CACNA1B: variants seen among roughly 807,000 people sequenced by gnomAD.
CACNA1B encodes the protein calcium voltage-gated channel subunit alpha1 B, also known as voltage-dependent N-type calcium channel subunit alpha-1B.
CACNA1B carries 70 observed loss-of-function variants against 247.2 expected under a neutral mutation model. That is an observed-to-expected ratio of 0.28 (90% CI 0.23 to 0.35). The LOEUF (loss-of-function observed/expected upper bound fraction) is 0.35, where lower values mean the gene tolerates loss of function less well. Among genes scored for constraint, CACNA1B ranks in the 10% least tolerant of loss-of-function variants. The pLI, the probability that CACNA1B is intolerant of heterozygous loss-of-function variation, is 1.00. For missense variants in CACNA1B, 2,367 were observed against 3,197.4 expected (o/e 0.74, Z 6.26); for synonymous variants, 1,231 against 1,294.4 (o/e 0.95, Z 1.05).
At chr9:137,965,105 G>A (rs1315924089) in intron 10 of CACNA1B, among the ~76,000 whole-genome samples, 1 of 152,222 alleles carries the variant, frequency 6.6e-6, no homozygotes, top group African/African-American at 2.4e-5. Flanking sequence ...ACCTATTGCT[G>A]GCCTGAATGT....
intron 34 of CACNA1B, among the ~76,000 whole-genome samples, chr9:138,074,444 T>C (rs1960244698): frequency 6.6e-6 from 1 of 152,206 alleles, no homozygotes; most frequent in Non-Finnish European, 1.5e-5. Flanking sequence ...TTTCACCATG[T>C]TGGCCAGGCT....
At chr9:138,116,803 C>T (rs1390356143) in intron 42 of CACNA1B, among the ~76,000 whole-genome samples, 1 of 152,154 alleles carries the variant, frequency 6.6e-6, no homozygotes, top group African/African-American at 2.4e-5. Context: ...TTCTCCTAAC[C>T]ACCCCTCCTC....
intron 39 of CACNA1B, among the ~76,000 whole-genome samples, chr9:138,109,300 C>A (rs186490131): frequency 1.8e-3 from 267 of 152,324 alleles, no homozygotes; most frequent in African/African-American, 6.2e-3. Context: ...CAAAAAGAGA[C>A]ATTCTTGACA....
At chr9:138,056,062 T>C (rs1959484985) in intron 26 of CACNA1B, among the ~76,000 whole-genome samples, 1 of 152,140 alleles carries the variant, frequency 6.6e-6, no homozygotes, top group South Asian at 2.1e-4. Context: ...AAAACAGCTT[T>C]ATTGAGATGT....
chr9:137,954,879 TGAGA>T lies in CACNA1B; in HGVS notation c.1071-799_1071-796del, dbSNP rs1173163661. ...GCTTGTGTGTGTGTGTGTGTGTGTG[TGAGA>T]GAGAGAGAGAGAGAGAGAGGGGGAG... On this transcript the variant is annotated intron_variant, in intron 7 of 46. Coordinates refer to ENST00000371372, the MANE Select transcript of CACNA1B (RefSeq NM_000718.4). This position sits in a 1 kb window ranked among gnomAD's most constrained non-coding sequence, Gnocchi z 4.1. Among the ~76,000 whole-genome samples the T allele has an allele frequency of 4.3e-4, 63 of 145,240 alleles. No individual in the cohort carries two copies. The Middle Eastern group carries it at 0.01, about 24-fold the overall frequency.
At chr9:138,094,458 AAG>A (rs1442410883) in intron 36 of CACNA1B, among the ~76,000 whole-genome samples, 5,639 of 110,294 alleles carry the variant, frequency 0.051, 299 homozygotes, top group African/African-American at 0.16. Flanking sequence ...AAAAAAAAAA[AAG>A]AAGAAGAAGA....
At position 138,043,628 on chromosome 9, in the gene CACNA1B, A is replaced by T. The variant is rs181708407; in HGVS notation, c.3287-146A>T. 985 of 796,298 alleles carry T rather than the reference A, an allele frequency of 1.2e-3. 3 individuals carry two copies. Among genetic ancestry groups the T allele is most frequent in the South Asian group, 1.4e-3 (89 of 61,710 alleles). 49.3% of individuals were successfully genotyped at this position (796,298 alleles called of 1,614,324 possible). A position where few individuals can be genotyped will look rare whatever the true frequency, so the allele number is the denominator to read the frequency against. ...TCGTGCGCCACGGTCATGTACGTGA[A>T]GCACTGTTCTTAGCTGCTTGCCCAT... is the stretch of plus-strand genomic sequence containing the variant. On this transcript the variant is annotated intron_variant, in intron 20 of 46. Transcript: ENST00000371372.
chr9:137,951,171 C>T (rs990689392), intron 6 of CACNA1B, among the ~76,000 whole-genome samples: 1 of 152,182 alleles, frequency 6.6e-6, no homozygotes, highest in African/African-American at 2.4e-5. Context: ...GAGGTGTGGT[C>T]TAGTGGTTCA....
chr9:137,971,960 C>A lies in CACNA1B; in HGVS notation c.1543+368C>A, dbSNP rs767149544. On this transcript the variant is annotated intron_variant, in intron 11 of 46. Transcript: ENST00000371372. This position sits in a 1 kb window ranked among gnomAD's most constrained non-coding sequence, Gnocchi z 4.4. ...GTCCTCCCCTGAGAGGGCTTCAGAC[C>A]CACAGACAGGGGACTTAGCCCCACG... Among the ~76,000 whole-genome samples the A allele has an allele frequency of 1.5e-4, 23 of 152,096 alleles. No individual in the cohort carries two copies. Among genetic ancestry groups the A allele is most frequent in the Non-Finnish European group, 3.4e-4 (23 of 67,998 alleles).
chr9:138,055,344 G>A (rs1404143007), intron 26 of CACNA1B, among the ~76,000 whole-genome samples: 1 of 151,978 alleles, frequency 6.6e-6, no homozygotes, highest in African/African-American at 2.4e-5. Context: ...TTGCCAAGCT[G>A]GTCTCGAGCT....
chr9:138,078,493 T>C (rs548558533), intron 36 of CACNA1B, among the ~76,000 whole-genome samples: 1 of 152,354 alleles, frequency 6.6e-6, no homozygotes, highest in East Asian at 1.9e-4. Context: ...GGGTTACATT[T>C]CCAGGGGCAA....
intron 37 of CACNA1B, among the ~76,000 whole-genome samples, chr9:138,098,501 G>A (rs1017251234): frequency 6.6e-6 from 1 of 152,146 alleles, no homozygotes; most frequent in African/African-American, 2.4e-5. Flanking sequence ...GTACTGAAGG[G>A]CAAAGGCAGA....
At chr9:137,980,262 C>T (rs1322074475) in intron 12 of CACNA1B, among the ~76,000 whole-genome samples, 1 of 152,212 alleles carries the variant, frequency 6.6e-6, no homozygotes, top group Non-Finnish European at 1.5e-5. Context: ...GCTCTACCCA[C>T]ACCTATTAGG....
At chr9:137,936,851 G>A (rs1957674485) in intron 6 of CACNA1B, among the ~76,000 whole-genome samples, 2 of 152,128 alleles carry the variant, frequency 1.3e-5, no homozygotes, top group African/African-American at 4.8e-5. Flanking sequence ...CTCTGTTTTG[G>A]TACCAGTACC....
chr9:138,060,171 CAT>C (rs1173008674), intron 31 of CACNA1B, among the ~76,000 whole-genome samples: 33 of 152,130 alleles, frequency 2.2e-4, no homozygotes, highest in Non-Finnish European at 4.1e-4. Context: ...TCTTACCAAA[CAT>C]ATGTGGATTA....
In CACNA1B at chr9:138,059,093, C is replaced by G. The variant is rs201657859; in HGVS notation, c.4488C>G (p.Pro1496=). ...TCCCCGGGCAGTTCTATGATGCACCCTATGAGTACGAGCTGATGCTGAAAT... is the reference window on the plus strand; with the variant it reads ...TCCCCGGGCAGTTCTATGATGCACCGTATGAGTACGAGCTGATGCTGAAAT... ...VVLMMKFYDA[P]YEYELMLKCL... is the part of the protein sequence containing the mutation. The change falls in exon 30 of 47, where the codon CCC becomes CCG. Residue 1496 remains proline (P), a synonymous_variant. Transcript: ENST00000371372. This position sits in a 1 kb window ranked among gnomAD's most constrained non-coding sequence, Gnocchi z 4.2. 5.0e-5 allele frequency: 81 copies of G among 1,609,764 alleles called. No homozygotes were observed. The highest frequency in any genetic ancestry group is 6.5e-5 in the Non-Finnish European group (76 of 1,176,392).
At chr9:138,015,022 A>G (rs1290790456) in intron 18 of CACNA1B, among the ~76,000 whole-genome samples, 1 of 152,178 alleles carries the variant, frequency 6.6e-6, no homozygotes, top group African/African-American at 2.4e-5. Context: ...CCTGAGCACC[A>G]TGCTGATTCC....
At position 138,023,640 on chromosome 9, in the gene CACNA1B, C is replaced by G; in HGVS notation, c.2897C>G (p.Pro966Arg). The G allele has an allele frequency of 1.4e-6, 2 of 1,398,290 alleles. No homozygotes were observed. The highest frequency in any genetic ancestry group is 1.9e-6 in the Non-Finnish European group (2 of 1,068,054). 86.6% of individuals were successfully genotyped at this position (1,398,290 alleles called of 1,614,324 possible). ...CACCGCGGCGGCCCCCGAGCGGGGC[C>G]CCGGGAGGCGGAGAGCGGGGAGGAG... Reference protein sequence around the residue: ...ARHRGGPRAGPREAESGEEPA... With the variant: ...ARHRGGPRAGRREAESGEEPA... The change falls in exon 19 of 47, where the codon CCC (proline) becomes CGC (arginine). Residue 966 changes from proline (P) to arginine (R), a missense_variant. Transcript: ENST00000371372.
At chr9:137,968,941 C>G (rs150251993) in intron 10 of CACNA1B, among the ~76,000 whole-genome samples, 5 of 152,134 alleles carry the variant, frequency 3.3e-5, no homozygotes, top group Non-Finnish European at 7.3e-5. Context: ...TTAAGTGAAC[C>G]CTGGAAAATG....
Sources: allele counts gnomAD v4.1 joint callset (sites outside exome capture counted in the v4.1 genomes callset), GRCh38; gene constraint gnomAD v4.1.1; non-coding constraint Gnocchi (gnomAD v3.1); transcripts MANE v1.5; gene names NCBI Gene and HGNC (gene_info 2026-07-23, HGNC 2026-07-21).